Variants in PCDHGA7 observed in about 807,000 individuals in gnomAD.
PCDHGA7 encodes the protein protocadherin gamma subfamily A, 7.
A neutral mutation model predicts 58.3 loss-of-function variants in PCDHGA7; 44 were observed. That is an observed-to-expected ratio of 0.75 (90% CI 0.59 to 0.97). The LOEUF (loss-of-function observed/expected upper bound fraction) is 0.97. Among genes scored for constraint, PCDHGA7 ranks in the 50% least tolerant of loss-of-function variants. The probability of loss-of-function intolerance (pLI) is 0.00; values close to 1 mark genes in which losing one functional copy is unlikely to be tolerated. For synonymous variants in PCDHGA7, 516 were observed against 504.2 expected (o/e 1.02, Z -0.31); for missense variants, 1,266 against 1,188.7 (o/e 1.06, Z -0.96).
intron 1 of PCDHGA7, among the ~76,000 whole-genome samples, chr5:141,462,069 C>T (rs555164288): frequency 4.3e-4 from 65 of 151,850 alleles, no homozygotes; most frequent in Non-Finnish European, 7.5e-4. Context: ...GTGATCTGCC[C>T]GCCTTGGCCT....
intron 1 of PCDHGA7, among the ~76,000 whole-genome samples, chr5:141,455,445 C>T (rs1175054167): frequency 6.6e-6 from 1 of 152,134 alleles, no homozygotes; most frequent in Non-Finnish European, 1.5e-5. Context: ...TCCCCATCTA[C>T]CGCGGATACC....
intron 1 of PCDHGA7, chr5:141,408,303 G>T: frequency 1.2e-6 from 2 of 1,613,794 alleles, no homozygotes; most frequent in South Asian, 1.1e-5. Context: ...GAGCCGATCC[G>T]CTACTCGATT....
intron 2 of PCDHGA7, among the ~76,000 whole-genome samples, chr5:141,496,486 C>T (rs186488143): frequency 1.3e-5 from 2 of 152,322 alleles, no homozygotes; most frequent in East Asian, 3.9e-4. Flanking sequence ...CTGCAACCAA[C>T]CAAACCCTTG....
At position 141,512,280 on chromosome 5, in the gene PCDHGA7, TGGAAGGGTCAGC is replaced by T. The variant is rs1187119941; in HGVS notation, c.*1111_*1122del. The T allele has an allele frequency of 1.3e-5, 2 of 152,682 alleles. No individual in the cohort carries two copies. Among genetic ancestry groups the T allele is most frequent in the African/African-American group, 2.4e-5 (1 of 41,396 alleles). 9.5% of individuals were successfully genotyped at this position (152,682 alleles called of 1,614,324 possible). ...CTGGGTACTCCAGAGGTGCCACTGGTGGAAGGGTCAGCGGAGCCCCAGCAGGAAGGGTGGGCC... is the reference window on the plus strand; with the variant it reads ...CTGGGTACTCCAGAGGTGCCACTGGTGGAGCCCCAGCAGGAAGGGTGGGCC... On this transcript the variant is annotated 3_prime_UTR_variant, in exon 4 of 4. Transcript: ENST00000518325.
rs2099613082 is a variant in PCDHGA7, at chr5:141,485,421, C to T, written c.2425-9386C>T. ...TTCCGTGTGGATTTGGACAGCGGAG[C>T]CCTGCTCATCAAGAACCCAATCGAC... On this transcript the variant is annotated intron_variant, in intron 1 of 3. Coordinates refer to ENST00000518325, the MANE Select transcript of PCDHGA7 (RefSeq NM_018920.4). The surrounding 1 kb of genome is among the most constrained non-coding windows in gnomAD (Gnocchi z 5.7). The T allele has an allele frequency of 6.2e-7, 1 of 1,614,112 alleles. No individual in the cohort carries two copies. Among genetic ancestry groups the T allele is most frequent in the Non-Finnish European group, 8.5e-7 (1 of 1,180,010 alleles).
chr5:141,481,794 A>G (rs1433830305), intron 1 of PCDHGA7, among the ~76,000 whole-genome samples: 1 of 152,136 alleles, frequency 6.6e-6, no homozygotes, highest in Non-Finnish European at 1.5e-5. Context: ...TCTACTAAAA[A>G]TACAAAAATT....
Position 141,485,164 on chromosome 5 carries a change from G to A in PCDHGA7, c.2425-9643G>A, listed in dbSNP as rs2099608516. 2 of 1,605,832 alleles carry A rather than the reference G, an allele frequency of 1.2e-6. No homozygotes were observed. Among genetic ancestry groups the A allele is most frequent in the Admixed American group, 1.7e-5 (1 of 59,836 alleles). On this transcript the variant is annotated intron_variant, in intron 1 of 3. Coordinates refer to ENST00000518325, the MANE Select transcript of PCDHGA7 (RefSeq NM_018920.4). This position sits in a 1 kb window ranked among gnomAD's most constrained non-coding sequence, Gnocchi z 5.7. ...CTCAGGAGCAAGTAGAGAATTAGCG[G>A]GCGGCAGCAATGCTCCGCAAGGTGA...
chr5:141,413,135 T>TGTCC (rs767378713), intron 1 of PCDHGA7: 1 of 1,545,632 alleles, frequency 6.5e-7, no homozygotes, highest in Non-Finnish European at 8.7e-7. Context: ...ACACACAACG[T>TGTCC]GTCCAGTGAG....
At chr5:141,502,363 T>C (rs1216939790) in intron 2 of PCDHGA7, among the ~76,000 whole-genome samples, 2 of 152,100 alleles carry the variant, frequency 1.3e-5, no homozygotes, top group African/African-American at 4.8e-5. Context: ...ATGGATATTT[T>C]TAAAGAGTCC....
intron 1 of PCDHGA7, chr5:141,407,897 A>T (rs1178644193): frequency 4.9e-6 from 2 of 405,126 alleles, no homozygotes; most frequent in African/African-American, 4.1e-5. Context: ...CCGAATTCAA[A>T]ATGAAAAACC....
chr5:141,434,455 G>A (rs2097695575), intron 1 of PCDHGA7, among the ~76,000 whole-genome samples: 1 of 152,192 alleles, frequency 6.6e-6, no homozygotes, highest in Admixed American at 6.5e-5. Context: ...GAAGGTAGTG[G>A]GTTTACCGGA....
At chr5:141,456,220 T>C (rs965297694) in intron 1 of PCDHGA7, among the ~76,000 whole-genome samples, 1 of 152,098 alleles carries the variant, frequency 6.6e-6, no homozygotes, top group Admixed American at 6.6e-5. Context: ...TGTGGCGATA[T>C]CAAACTAACT....
chr5:141,474,093 C>G (rs2099341169), intron 1 of PCDHGA7, among the ~76,000 whole-genome samples: 1 of 152,098 alleles, frequency 6.6e-6, no homozygotes, highest in African/African-American at 2.4e-5. Flanking sequence ...AAAAAACAAA[C>G]AACAACAAAA....
chr5:141,394,380 G>A (rs867131974), intron 1 of PCDHGA7: 2 of 1,614,196 alleles, frequency 1.2e-6, no homozygotes, highest in Non-Finnish European at 1.7e-6. Context: ...TTTCGACTAT[G>A]AGCAGATCCG....
In PCDHGA7 at chr5:141,393,830, T is replaced by C. The variant is rs926004105; in HGVS notation, c.2424+8507T>C. The C allele has an allele frequency of 1.7e-5, 27 of 1,613,872 alleles. No homozygotes were observed. In the African/African-American group the frequency reaches 3.2e-4, roughly 19 times the overall value. On this transcript the variant is annotated intron_variant, in intron 1 of 3. Coordinates refer to ENST00000518325, the MANE Select transcript of PCDHGA7 (RefSeq NM_018920.4). ...CCAAATTGCTCATTTCGGTGGAAGA[T>C]GTAAATGACAATAGACCAGAAGTGA... is the stretch of plus-strand genomic sequence containing the variant.
intron 1 of PCDHGA7, chr5:141,421,422 C>T (rs908483513): frequency 6.2e-7 from 1 of 1,614,086 alleles, no homozygotes; most frequent in Non-Finnish European, 8.5e-7. Flanking sequence ...AGCGCGGAGT[C>T]CGCATCGTCT....
chr5:141,454,894 G>A (rs1371368633), intron 1 of PCDHGA7, among the ~76,000 whole-genome samples: 2 of 126,736 alleles, frequency 1.6e-5, no homozygotes, highest in Non-Finnish European at 3.1e-5. Context: ...TGCTAGCACC[G>A]CCTCCCGGGT....
rs570083634 is a variant in PCDHGA7, at chr5:141,427,859, C to G, written c.2424+42536C>G. 25 of 1,556,390 alleles carry G rather than the reference C, an allele frequency of 1.6e-5. No homozygotes were observed. The Admixed American group carries it at 2.0e-4, about 13-fold the overall frequency. ...CCTTCGACCACGAGCAGCTGTGCGC[C>G]TTCGAGCTCACGATGCAGGCCCACG... On this transcript the variant is annotated intron_variant, in intron 1 of 3. Coordinates refer to ENST00000518325, the MANE Select transcript of PCDHGA7 (RefSeq NM_018920.4).
chr5:141,505,334 G>T, intron 2 of PCDHGA7, 59 bp from the exon 3 acceptor site: 1 of 1,611,326 alleles, frequency 6.2e-7, no homozygotes, highest in Non-Finnish European at 8.5e-7. Context: ...GAGAGGACAG[G>T]AGGGGCATGA....
Sources: gnomAD v4.1 joint callset for allele counts (sites outside exome capture counted in the v4.1 genomes callset) on GRCh38, gnomAD v4.1.1 for gene constraint, Gnocchi (gnomAD v3.1) non-coding constraint, MANE v1.5 for transcripts, NCBI Gene and HGNC (gene_info 2026-07-23, HGNC 2026-07-21) for gene names.